Variants in CNTN4 observed in about 807,000 individuals in gnomAD.
The protein encoded by CNTN4 is contactin 4.
CNTN4 carries 77 observed loss-of-function variants against 122.5 expected under a neutral mutation model. The ratio of observed to expected loss-of-function variants is 0.63; its 90% CI spans 0.52 to 0.76. The LOEUF is 0.76. Among genes scored for constraint, CNTN4 ranks in the 30% least tolerant of loss-of-function variants. CNTN4 has a pLI of 0.00. For missense variants in CNTN4, 1,256 were observed against 1,259.1 expected (o/e 1.00, Z 0.04); for synonymous variants, 512 against 447.0 (o/e 1.15, Z -1.83).
intron 4 of CNTN4, among the ~76,000 whole-genome samples, chr3:2,706,518 C>T (rs1420330817): frequency 6.6e-6 from 1 of 152,228 alleles, no homozygotes; most frequent in Non-Finnish European, 1.5e-5. Context: ...TATCTTGCAT[C>T]ATCACATCAG....
At chr3:2,870,222 G>C (rs2093769148) in intron 8 of CNTN4, among the ~76,000 whole-genome samples, 1 of 152,176 alleles carries the variant, frequency 6.6e-6, no homozygotes, top group Non-Finnish European at 1.5e-5. Flanking sequence ...GATTTATCTT[G>C]ATTTGTCTGG....
chr3:2,490,532 C>T (rs1043403753), intron 3 of CNTN4, among the ~76,000 whole-genome samples: 14 of 152,098 alleles, frequency 9.2e-5, no homozygotes, highest in African/African-American at 3.4e-4. Context: ...TTCAAAAATG[C>T]ATGTCTCCGG....
intron 4 of CNTN4, among the ~76,000 whole-genome samples, chr3:2,626,576 A>T (rs2082199979): frequency 1.3e-5 from 2 of 152,138 alleles, no homozygotes; most frequent in Non-Finnish European, 2.9e-5. Context: ...AAATCCCCTT[A>T]TATCATTTAA....
intron 3 of CNTN4, among the ~76,000 whole-genome samples, chr3:2,429,347 C>T (rs1292054003): frequency 6.6e-6 from 1 of 152,198 alleles, no homozygotes; most frequent in Non-Finnish European, 1.5e-5. Flanking sequence ...TGGAGGTCCA[C>T]TCCAGACCCT....
intron 3 of CNTN4, among the ~76,000 whole-genome samples, chr3:2,423,832 C>T (rs1412655841): frequency 1.3e-5 from 2 of 151,270 alleles, no homozygotes; most frequent in East Asian, 4.0e-4. Context: ...TTAATTGGTG[C>T]CGAACATCGT....
At chr3:2,768,746 T>C (rs2090964383) in intron 6 of CNTN4, among the ~76,000 whole-genome samples, 1 of 152,234 alleles carries the variant, frequency 6.6e-6, no homozygotes, top group Admixed American at 6.5e-5. Context: ...AAATAACTAA[T>C]AGTTAAGTTG....
At chr3:2,390,874 T>C (rs1382655420) in intron 3 of CNTN4, among the ~76,000 whole-genome samples, 1 of 152,252 alleles carries the variant, frequency 6.6e-6, no homozygotes, top group Non-Finnish European at 1.5e-5. Flanking sequence ...TTCAATTGAA[T>C]GTCTTTTAAA....
intron 7 of CNTN4, among the ~76,000 whole-genome samples, chr3:2,843,302 T>C (rs1458920199): frequency 3.3e-5 from 5 of 152,162 alleles, no homozygotes; most frequent in Non-Finnish European, 7.3e-5. Context: ...TCCTGACCAC[T>C]GTGCCTTCAA....
At chr3:2,567,043 T>C (rs1185387863) in intron 3 of CNTN4, among the ~76,000 whole-genome samples, 2 of 152,246 alleles carry the variant, frequency 1.3e-5, no homozygotes, top group Non-Finnish European at 2.9e-5. Context: ...TTGAAAGTCA[T>C]TCTCACCCTC....
chr3:3,038,052 A>T (rs187424113), intron 18 of CNTN4, among the ~76,000 whole-genome samples: 7 of 152,312 alleles, frequency 4.6e-5, no homozygotes, highest in African/African-American at 1.7e-4. Context: ...CACAAATAGG[A>T]GTTCTGACCC....
intron 4 of CNTN4, among the ~76,000 whole-genome samples, chr3:2,723,864 A>C: frequency 6.6e-6 from 1 of 152,126 alleles, no homozygotes; most frequent in Non-Finnish European, 1.5e-5. Context: ...GAAGAAACCA[A>C]GTTCAGTCCC....
chr3:3,025,103 C>G (rs1042149792), intron 14 of CNTN4, among the ~76,000 whole-genome samples: 6 of 152,156 alleles, frequency 3.9e-5, no homozygotes, highest in African/African-American at 1.4e-4. Context: ...CACTAGTGTA[C>G]TCTCTGACAC....
intron 2 of CNTN4, among the ~76,000 whole-genome samples, chr3:2,338,326 T>A (rs2044041904): frequency 6.6e-6 from 1 of 152,032 alleles, no homozygotes; most frequent in Admixed American, 6.6e-5. Context: ...AGATCATGTT[T>A]TTATGGCTAA....
chr3:2,466,970 CT>C (rs60879017), intron 3 of CNTN4, among the ~76,000 whole-genome samples: 30,363 of 115,684 alleles, frequency 0.26, 2,360 homozygotes, highest in Admixed American at 0.34. Flanking sequence ...TTCTTTCTTT[CT>C]TTTTTTTTTT....
At chr3:2,778,585 A>G (rs1021363060) in intron 6 of CNTN4, among the ~76,000 whole-genome samples, 2 of 152,184 alleles carry the variant, frequency 1.3e-5, no homozygotes, top group Non-Finnish European at 2.9e-5. Context: ...CCATGACTAC[A>G]TTCAGTAAGT....
intron 4 of CNTN4, among the ~76,000 whole-genome samples, chr3:2,631,879 C>A (rs11311800): frequency 0.13 from 13,897 of 109,940 alleles, 1,225 homozygotes; most frequent in African/African-American, 0.19. Context: ...AAAAAAAAAA[C>A]AAAAAAAAAC....
intron 3 of CNTN4, among the ~76,000 whole-genome samples, chr3:2,535,973 G>A (rs995266878): frequency 3.9e-5 from 6 of 152,090 alleles, no homozygotes; most frequent in Admixed American, 6.6e-5. Flanking sequence ...TCTTCAAAGA[G>A]CAAGCCCACC....
chr3:2,781,094 T>G (rs930536431), intron 6 of CNTN4, among the ~76,000 whole-genome samples: 1 of 152,054 alleles, frequency 6.6e-6, no homozygotes, highest in African/African-American at 2.4e-5. Context: ...GAGGTTCAAA[T>G]GAAAAGGAAA....
rs563624807 is a variant in CNTN4, at chr3:2,328,219, C to A, written c.-144-10959C>A. Among the ~76,000 whole-genome samples, 5 of 152,156 alleles carry A rather than the reference C, an allele frequency of 3.3e-5. No individual in the cohort carries two copies. In the East Asian group the frequency reaches 9.7e-4, roughly 30 times the overall value. ...AGGAGATCGAGACCATCCTGGCTAACACGGTGAAACCCCGTCTCTACTAAA... is the reference window on the plus strand; with the variant it reads ...AGGAGATCGAGACCATCCTGGCTAAAACGGTGAAACCCCGTCTCTACTAAA... On this transcript the variant is annotated intron_variant, in intron 2 of 24. Transcript: ENST00000418658.
Sources: allele counts gnomAD v4.1 joint callset (sites outside exome capture counted in the v4.1 genomes callset), GRCh38; gene constraint gnomAD v4.1.1; transcripts MANE v1.5; gene names NCBI Gene and HGNC (gene_info 2026-07-23, HGNC 2026-07-21).